Variants in MTR observed in about 807,000 individuals in gnomAD.
The protein encoded by MTR is 5-methyltetrahydrofolate-homocysteine methyltransferase, also known as methionine synthase.
A neutral mutation model predicts 154.8 loss-of-function variants in MTR; 84 were observed. That is an observed-to-expected ratio of 0.54 (90% CI 0.45 to 0.65). MTR has a LOEUF of 0.65. MTR is among the 30% of genes least tolerant of loss of function. MTR has a pLI of 0.00. For synonymous variants in MTR, 554 were observed against 553.9 expected, an observed-to-expected ratio of 1.00 and a Z score of 0.00; for missense variants, 1,275 against 1,570.2, an observed-to-expected ratio of 0.81 and a Z score of 3.18.
At chr1:236,863,700 T>C in intron 22 of MTR, 146 bp downstream of exon 22, 1 of 767,074 alleles carries the variant, frequency 1.3e-6, no homozygotes, top group Non-Finnish European at 2.3e-6. Context: ...TTGCTGTGTT[T>C]TTGAATTTTC....
At chr1:236,820,411 A>T in intron 8 of MTR, 2 of 1,013,910 alleles carry the variant, frequency 2.0e-6, no homozygotes, top group East Asian at 2.4e-5. Context: ...GTGCCTATTC[A>T]GCAGTTTCCA....
intron 1 of MTR, among the ~76,000 whole-genome samples, chr1:236,801,223 T>C (rs1332401316): frequency 2.5e-4 from 38 of 152,220 alleles, no homozygotes; most frequent in Non-Finnish European, 1.5e-5. Flanking sequence ...TACAGATCAT[T>C]GGAGCTTAAC....
intron 1 of MTR, among the ~76,000 whole-genome samples, chr1:236,801,064 A>G (rs1214730536): frequency 2.6e-5 from 4 of 152,204 alleles, no homozygotes; most frequent in Non-Finnish European, 4.4e-5. Context: ...AATTAACACT[A>G]CATGTGAATT....
chr1:236,795,796 T>G lies in MTR; in HGVS notation c.34+59T>G. ...GTGTTTCTTAACTCGTGCTGTGGCC[T>G]CCTAATCCCTGGGGCGATTCCCTTC... On this transcript the variant is annotated intron_variant, in intron 1 of 32. Transcript: ENST00000366577. 4 of 1,611,946 alleles carry G rather than the reference T, an allele frequency of 2.5e-6. No individual in the cohort carries two copies. The South Asian group carries it at 4.4e-5, about 18-fold the overall frequency.
intron 28 of MTR, among the ~76,000 whole-genome samples, chr1:236,890,373 GAGC>G (rs985491193): frequency 6.6e-6 from 1 of 152,158 alleles, no homozygotes; most frequent in African/African-American, 2.4e-5. Flanking sequence ...GCAGGTCCGG[GAGC>G]AGGCCAGCCC....
intron 22 of MTR, among the ~76,000 whole-genome samples, chr1:236,865,747 A>C (rs1299964300): frequency 6.6e-6 from 1 of 152,044 alleles, no homozygotes; most frequent in Non-Finnish European, 1.5e-5. Context: ...TTTGTTTACC[A>C]CTTCCCAATT....
In MTR at chr1:236,799,789, G is replaced by T. The variant is rs997101146; in HGVS notation, c.35-3639G>T. Among the ~76,000 whole-genome samples the T allele has an allele frequency of 3.1e-3, 458 of 145,554 alleles. 3 individuals carry two copies. Among genetic ancestry groups the T allele is most frequent in the Non-Finnish European group, 3.6e-3 (239 of 66,426 alleles). ...TGGTTTTTATGTAATCAAATTCATTGTGTTTTTTTTTTTTAAATTAAGAGG... is the reference window on the plus strand; with the variant it reads ...TGGTTTTTATGTAATCAAATTCATTTTGTTTTTTTTTTTTAAATTAAGAGG... On this transcript the variant is annotated intron_variant, in intron 1 of 32. Transcript: ENST00000366577.
rs948553602 is a variant in MTR, at chr1:236,861,349, A to G, written c.2196+72A>G. On this transcript the variant is annotated intron_variant, in intron 20 of 32. Transcript: ENST00000366577. ...GTCATTTAATAAATGGCGATTTGGG[A>G]TATATTTCTCAGGTTTTAATTTGGA... The G allele has an allele frequency of 4.5e-4, 728 of 1,601,980 alleles. 2 individuals carry two copies. Among genetic ancestry groups the G allele is most frequent in the Non-Finnish European group, 5.6e-4 (654 of 1,171,616 alleles).
intron 24 of MTR, among the ~76,000 whole-genome samples, chr1:236,879,089 C>G (rs1242535818): frequency 6.6e-6 from 1 of 152,222 alleles, no homozygotes; most frequent in Non-Finnish European, 1.5e-5. Context: ...TAAAAACACA[C>G]TCATGCATAT....
rs1265175907 is a variant in MTR at position 236,902,935 on chromosome 1, G to A, written c.*5291G>A. ...TAGAACTGAAAGTATATTCTGATTC[G>A]GTGTGTGTATAAGGAAATATACACC... On this transcript the variant is annotated 3_prime_UTR_variant, in exon 33 of 33. Transcript: ENST00000366577. The A allele has an allele frequency of 6.6e-6, 1 of 152,086 alleles. No individual in the cohort carries two copies. The highest frequency in any genetic ancestry group is 1.5e-5 in the Non-Finnish European group (1 of 68,022). 9.4% of individuals were successfully genotyped at this position (152,086 alleles called of 1,614,324 possible). A position where few individuals can be genotyped will look rare whatever the true frequency, so the allele number is the denominator to read the frequency against.
chr1:236,888,281 T>G (rs1385753731), intron 27 of MTR, among the ~76,000 whole-genome samples: 2 of 152,196 alleles, frequency 1.3e-5, no homozygotes, highest in African/African-American at 4.8e-5. Context: ...AGCCTAATCC[T>G]GCCATGTCAG....
At chr1:236,888,690 C>G (rs1210282874) in intron 27 of MTR, among the ~76,000 whole-genome samples, 1 of 152,212 alleles carries the variant, frequency 6.6e-6, no homozygotes, top group Non-Finnish European at 1.5e-5. Context: ...TCCTCCCCTG[C>G]AGAAAGCACA....
intron 28 of MTR, among the ~76,000 whole-genome samples, chr1:236,889,814 G>A (rs143351282): frequency 6.6e-6 from 1 of 152,286 alleles, no homozygotes; most frequent in East Asian, 1.9e-4. Flanking sequence ...TGAAGAAAAG[G>A]TCATTCCAGG....
chr1:236,801,546 T>TA (rs1378849488), intron 1 of MTR, among the ~76,000 whole-genome samples: 1 of 152,232 alleles, frequency 6.6e-6, no homozygotes, highest in Non-Finnish European at 1.5e-5. Context: ...CAAATATTCT[T>TA]ACATTACTGG....
Position 236,850,498 on chromosome 1 carries a change from T to G in MTR, c.1670T>G (p.Phe557Cys). 1 of 1,613,778 alleles carries G rather than the reference T, an allele frequency of 6.2e-7. No individual in the cohort carries two copies. Residue 557 changes from phenylalanine (F) to cysteine (C), a missense_variant, in exon 16 of 33, where the codon TTT (phenylalanine) becomes TGT (cysteine). Transcript: ENST00000366577. ...MEEHNLYAIN[F>C]IHATKVIKET... ...GAACACAACTTGTATGCCATTAATT[T>G]TATCCATGCAACAAAAGTCATTAAA...
chr1:236,844,108 A>T (rs562893321), intron 15 of MTR, among the ~76,000 whole-genome samples: 1 of 152,298 alleles, frequency 6.6e-6, no homozygotes, highest in Non-Finnish European at 1.5e-5. Context: ...TCAGAAGGAT[A>T]TGAGAAGGAG....
At chr1:236,874,176 C>T in intron 23 of MTR, among the ~76,000 whole-genome samples, 1 of 152,098 alleles carries the variant, frequency 6.6e-6, no homozygotes, top group Admixed American at 6.5e-5. Flanking sequence ...GCATCGTTTC[C>T]TAAAACTATG....
chr1:236,863,581 C>T (rs1664671588), intron 22 of MTR, 27 bp downstream of exon 22: 2 of 1,581,426 alleles, frequency 1.3e-6, no homozygotes, highest in Non-Finnish European at 8.7e-7. Context: ...CCTCTTTCAA[C>T]CCCTTTTCCA....
At position 236,897,102 on chromosome 1, in the gene MTR, A is replaced by G; in HGVS notation, c.3695A>G (p.Lys1232Arg). Residue 1232 changes from lysine (K) to arginine (R), a missense_variant, in exon 32 of 33, where the codon AAG becomes AGG. Transcript: ENST00000366577. ...NLKSKYFAVG[K>R]ISKDQVEDYA... ...AAGTCCAAATATTTTGCTGTGGGGA[A>G]GATTTCCAAGGATCAGGTAAGCTAG... is the stretch of plus-strand genomic sequence containing the variant. 1 of 1,612,840 alleles carries G rather than the reference A, an allele frequency of 6.2e-7. No homozygotes were observed. Among genetic ancestry groups the G allele is most frequent in the South Asian group, 1.1e-5 (1 of 91,056 alleles).
Sources: allele counts gnomAD v4.1 joint callset (sites outside exome capture counted in the v4.1 genomes callset), GRCh38; gene constraint gnomAD v4.1.1; transcripts MANE v1.5; gene names NCBI Gene and HGNC (gene_info 2026-07-23, HGNC 2026-07-21).